The following TSNARE1 variants were observed in gnomAD, a reference collection of about 807,000 sequenced individuals.
The protein encoded by TSNARE1 is t-SNARE domain containing 1.
In TSNARE1, 49 loss-of-function variants were observed where a neutral mutation model predicts 62.0. The observed-to-expected ratio is 0.79, with a 90% CI of 0.63 to 1.00. TSNARE1 has a LOEUF of 1.00. Among genes scored for constraint, TSNARE1 ranks in the 50% least tolerant of loss-of-function variants. The pLI is 0.00. For synonymous variants in TSNARE1, 328 were observed against 294.4 expected (o/e 1.11, Z -1.17); for missense variants, 755 against 700.1 (o/e 1.08, Z -0.88).
intron 1 of TSNARE1, among the ~76,000 whole-genome samples, chr8:142,355,866 G>A (rs937935611): frequency 4.6e-5 from 7 of 152,084 alleles, no homozygotes; most frequent in Admixed American, 2.0e-4. Flanking sequence ...CAAGACACCC[G>A]CCTGTGCCAT....
At chr8:142,220,464 G>A (rs1816158050) in intron 13 of TSNARE1, among the ~76,000 whole-genome samples, 2 of 152,114 alleles carry the variant, frequency 1.3e-5, no homozygotes, top group South Asian at 4.1e-4. Flanking sequence ...TGATGGAGAA[G>A]CCTCTAGAGA....
At chr8:142,337,490 G>A (rs1008579376) in intron 4 of TSNARE1, among the ~76,000 whole-genome samples, 4 of 152,340 alleles carry the variant, frequency 2.6e-5, no homozygotes, top group East Asian at 3.9e-4. Flanking sequence ...CATGCCTGCC[G>A]CCCAGCAATA....
chr8:142,224,253 C>T (rs1434238250), intron 13 of TSNARE1, among the ~76,000 whole-genome samples: 1 of 152,322 alleles, frequency 6.6e-6, no homozygotes, highest in Non-Finnish European at 1.5e-5. Flanking sequence ...AGCTGGGACC[C>T]GGAATGGCTC....
At chr8:142,360,588 C>A (rs1220436537) in intron 1 of TSNARE1, among the ~76,000 whole-genome samples, 2 of 152,182 alleles carry the variant, frequency 1.3e-5, no homozygotes, top group Non-Finnish European at 2.9e-5. Context: ...GGCCAGCCAC[C>A]AGCCCCTCAG....
At chr8:142,293,172 G>A (rs1824093957) in intron 10 of TSNARE1, among the ~76,000 whole-genome samples, 1 of 152,216 alleles carries the variant, frequency 6.6e-6, no homozygotes, top group Non-Finnish European at 1.5e-5. Flanking sequence ...CGTTCTCAGT[G>A]GCACCGACAC....
intron 12 of TSNARE1, among the ~76,000 whole-genome samples, chr8:142,233,981 G>A (rs1194827147): frequency 6.6e-6 from 1 of 152,234 alleles, no homozygotes. Context: ...GCTGTGGGGG[G>A]CGGATGAGGT....
At chr8:142,231,982 C>A (rs577850917) in intron 12 of TSNARE1, among the ~76,000 whole-genome samples, 1 of 152,334 alleles carries the variant, frequency 6.6e-6, no homozygotes, top group South Asian at 2.1e-4. Context: ...AGGAACCATG[C>A]GTGGGGGTCT....
intron 1 of TSNARE1, among the ~76,000 whole-genome samples, chr8:142,364,475 G>GA (rs1226622735): frequency 3.3e-5 from 5 of 152,146 alleles, no homozygotes; most frequent in African/African-American, 1.2e-4. Flanking sequence ...TTTGTCCACT[G>GA]AGAGGGCTGA....
chr8:142,327,055 C>G (rs1334124116), intron 6 of TSNARE1, among the ~76,000 whole-genome samples: 1 of 152,190 alleles, frequency 6.6e-6, no homozygotes, highest in African/African-American at 2.4e-5. Flanking sequence ...GAAAGTCTGG[C>G]AGTTCCTCAA....
chr8:142,397,594 G>T (rs747671930), intron 1 of TSNARE1, among the ~76,000 whole-genome samples: 5 of 152,162 alleles, frequency 3.3e-5, no homozygotes, highest in Non-Finnish European at 7.4e-5. Context: ...GGGAGAAAAC[G>T]AGGCAATCTT....
intron 10 of TSNARE1, among the ~76,000 whole-genome samples, chr8:142,292,975 G>T (rs185828313): frequency 6.6e-6 from 1 of 152,208 alleles, no homozygotes; most frequent in Non-Finnish European, 1.5e-5. Flanking sequence ...CATAGAAAGT[G>T]GGGGGGCCAC....
chr8:142,271,700 G>C, intron 12 of TSNARE1: 1 of 1,361,668 alleles, frequency 7.3e-7, no homozygotes, highest in Non-Finnish European at 9.4e-7. Flanking sequence ...AGCTAACAGA[G>C]GGAGACAGGA....
chr8:142,356,360 C>T (rs780133235), intron 1 of TSNARE1, among the ~76,000 whole-genome samples: 11 of 152,204 alleles, frequency 7.2e-5, no homozygotes, highest in African/African-American at 1.9e-4. Flanking sequence ...CCTCTCTGCA[C>T]GCTGCCTGGA....
chr8:142,237,472 G>A (rs1377696753), intron 12 of TSNARE1, among the ~76,000 whole-genome samples: 1 of 152,212 alleles, frequency 6.6e-6, no homozygotes, highest in Non-Finnish European at 1.5e-5. Context: ...TGGCACAAAG[G>A]GGCCCCCGTG....
intron 1 of TSNARE1, among the ~76,000 whole-genome samples, chr8:142,384,691 A>G (rs193137029): frequency 3.9e-5 from 6 of 152,374 alleles, no homozygotes; most frequent in Admixed American, 3.9e-4. Flanking sequence ...GAAATGTATC[A>G]AAAGCCTAAA....
chr8:142,339,000 G>C (rs1233500734), intron 4 of TSNARE1, among the ~76,000 whole-genome samples: 1 of 152,130 alleles, frequency 6.6e-6, no homozygotes, highest in East Asian at 1.9e-4. Context: ...CCTGGGCAGG[G>C]CACAAGTGGC....
chr8:142,392,347 G>A (rs1053452703), intron 1 of TSNARE1, among the ~76,000 whole-genome samples: 1 of 152,008 alleles, frequency 6.6e-6, no homozygotes, highest in Non-Finnish European at 1.5e-5. Flanking sequence ...AGTAAAAGGA[G>A]TACACTCTAA....
chr8:142,380,945 C>A (rs1055710622), intron 1 of TSNARE1, among the ~76,000 whole-genome samples: 2 of 152,170 alleles, frequency 1.3e-5, no homozygotes, highest in African/African-American at 2.4e-5. Context: ...CCCTCACCCC[C>A]CACACACACA....
chr8:142,395,104 T>C (rs1365231035), intron 1 of TSNARE1, among the ~76,000 whole-genome samples: 2 of 151,246 alleles, frequency 1.3e-5, no homozygotes, highest in African/African-American at 4.9e-5. Context: ...GCCCCGTGCA[T>C]CAAAGGCTGA....
Sources: gnomAD v4.1 joint callset for allele counts (sites outside exome capture counted in the v4.1 genomes callset) on GRCh38, gnomAD v4.1.1 for gene constraint, MANE v1.5 for transcripts, NCBI Gene and HGNC (gene_info 2026-07-23, HGNC 2026-07-21) for gene names.